The following CNTNAP2 variants were observed in gnomAD, a reference collection of about 807,000 sequenced individuals.
CNTNAP2 encodes the protein contactin associated protein 2, also known as contactin-associated protein-like 2.
A neutral mutation model predicts 155.2 loss-of-function variants in CNTNAP2; 98 were observed. That is an observed-to-expected ratio of 0.63 (90% CI 0.54 to 0.75). CNTNAP2 has a LOEUF of 0.75. Among genes scored for constraint, CNTNAP2 ranks in the 30% least tolerant of loss-of-function variants. The pLI is 0.00. For synonymous variants in CNTNAP2, 651 were observed against 631.2 expected (o/e 1.03, Z -0.47); for missense variants, 1,727 against 1,688.1 (o/e 1.02, Z -0.40).
At chr7:146,982,150 T>C (rs750652329) in intron 3 of CNTNAP2, among the ~76,000 whole-genome samples, 1 of 152,160 alleles carries the variant, frequency 6.6e-6, no homozygotes, top group Non-Finnish European at 1.5e-5. Flanking sequence ...GTTTGGCCCA[T>C]AGGCTATAAC....
At chr7:146,343,797 G>A (rs571886195) in intron 1 of CNTNAP2, among the ~76,000 whole-genome samples, 1 of 151,984 alleles carries the variant, frequency 6.6e-6, no homozygotes, top group African/African-American at 2.4e-5. Flanking sequence ...TAAAGTAAAG[G>A]CTATGTTTTA....
At chr7:147,326,329 C>T (rs915614345) in intron 9 of CNTNAP2, among the ~76,000 whole-genome samples, 26 of 152,146 alleles carry the variant, frequency 1.7e-4, no homozygotes, top group African/African-American at 3.9e-4. Flanking sequence ...TTTCACATCA[C>T]GTTTCTTTAG....
At chr7:147,780,151 T>A (rs1797642427) in intron 13 of CNTNAP2, among the ~76,000 whole-genome samples, 2 of 152,330 alleles carry the variant, frequency 1.3e-5, no homozygotes, top group African/African-American at 4.8e-5. Context: ...ATCTTACGAC[T>A]GCTCTGAATG....
At chr7:146,459,268 A>G (rs1796602569) in intron 1 of CNTNAP2, among the ~76,000 whole-genome samples, 1 of 152,148 alleles carries the variant, frequency 6.6e-6, no homozygotes, top group African/African-American at 2.4e-5. Flanking sequence ...GAGAAAATAT[A>G]TAGATGGTTA....
chr7:147,713,915 G>C (rs140446146), intron 13 of CNTNAP2, among the ~76,000 whole-genome samples: 16 of 152,088 alleles, frequency 1.1e-4, no homozygotes, highest in African/African-American at 3.9e-4. Flanking sequence ...TTATTTCATA[G>C]TACTAGCAAA....
intron 8 of CNTNAP2, among the ~76,000 whole-genome samples, chr7:147,197,980 G>T (rs930729717): frequency 1.3e-5 from 2 of 152,040 alleles, no homozygotes; most frequent in African/African-American, 4.8e-5. Flanking sequence ...TGGTAATATG[G>T]TATTGCATGC....
chr7:147,562,193 T>C lies in CNTNAP2; in HGVS notation c.1833T>C (p.Tyr611=), dbSNP rs935506760. Residue 611 remains tyrosine, a synonymous_variant, in exon 12 of 24, where the codon TAT becomes TAC. Transcript: ENST00000361727. ...AYKHLGQTSN[Y]YWIDPDGSGP... Reference sequence around the variant, plus strand: ...AACACCTAGGACAGACATCAAATTATTACTGGATAGATCCTGATGGCAGCG... The same window carrying C: ...AACACCTAGGACAGACATCAAATTACTACTGGATAGATCCTGATGGCAGCG... 2 of 1,614,068 alleles carry C rather than the reference T, an allele frequency of 1.2e-6. No homozygotes were observed. Among genetic ancestry groups the C allele is most frequent in the Non-Finnish European group, 1.7e-6 (2 of 1,179,936 alleles).
At chr7:146,790,017 G>A (rs779268405) in intron 2 of CNTNAP2, among the ~76,000 whole-genome samples, 2 of 151,812 alleles carry the variant, frequency 1.3e-5, no homozygotes, top group African/African-American at 4.8e-5. Flanking sequence ...TTCAAATAAA[G>A]GATTCAGCAT....
At chr7:146,375,440 G>T (rs975630801) in intron 1 of CNTNAP2, among the ~76,000 whole-genome samples, 3 of 152,186 alleles carry the variant, frequency 2.0e-5, no homozygotes, top group African/African-American at 7.2e-5. Flanking sequence ...TCAGAGAAGG[G>T]ATTAGTGGGT....
chr7:146,188,975 G>C (rs1193221038), intron 1 of CNTNAP2, among the ~76,000 whole-genome samples: 1 of 152,126 alleles, frequency 6.6e-6, no homozygotes, highest in African/African-American at 2.4e-5. Context: ...TTCTGTTTGT[G>C]ATAAACTAAT....
intron 14 of CNTNAP2, among the ~76,000 whole-genome samples, chr7:147,968,081 C>T (rs1012519617): frequency 5.9e-5 from 9 of 152,194 alleles, no homozygotes; most frequent in Middle Eastern, 3.4e-3. Flanking sequence ...TCATGAAACA[C>T]GTGGAGCCGG....
chr7:147,122,848 T>C (rs1584857780), intron 6 of CNTNAP2: 1 of 152,218 alleles, frequency 6.6e-6, no homozygotes, highest in African/African-American at 2.4e-5. Context: ...TGGAGATGTA[T>C]TCATATATAT....
At chr7:147,694,740 G>A (rs1224811876) in intron 13 of CNTNAP2, among the ~76,000 whole-genome samples, 1 of 151,988 alleles carries the variant, frequency 6.6e-6, no homozygotes, top group African/African-American at 2.4e-5. Context: ...AGTTATCCTG[G>A]CAAGAGGCTT....
At chr7:147,516,848 C>CTTTTTTTTT (rs1221666617) in intron 11 of CNTNAP2, among the ~76,000 whole-genome samples, 56 of 112,576 alleles carry the variant, frequency 5.0e-4, no homozygotes, top group African/African-American at 6.2e-4. Context: ...TCTTTCTTTT[C>CTTTTTTTTT]TTTTTTTTTT....
At chr7:147,104,589 G>A (rs1354790860) in intron 4 of CNTNAP2, among the ~76,000 whole-genome samples, 2 of 151,260 alleles carry the variant, frequency 1.3e-5, no homozygotes, top group African/African-American at 2.4e-5. Context: ...TGGGGAAACG[G>A]TATTAAAAGT....
At chr7:147,374,920 T>A (rs996857730) in intron 9 of CNTNAP2, among the ~76,000 whole-genome samples, 1 of 151,984 alleles carries the variant, frequency 6.6e-6, no homozygotes, top group Non-Finnish European at 1.5e-5. Context: ...CCCACCCAAA[T>A]CTCATCTCAA....
rs545928875 is a variant in CNTNAP2, at chr7:147,290,544, G to A, written c.1349-9597G>A. Among the ~76,000 whole-genome samples, 22 of 152,054 alleles carry A rather than the reference G, an allele frequency of 1.4e-4. No homozygotes were observed. In the East Asian group the frequency reaches 3.5e-3, roughly 24 times the overall value. ...AAAATTACAAAAAAATTAGCCGAGCGTGGTGGCTTGTGCCTGTAATCCCAG... is the reference window on the plus strand; with the variant it reads ...AAAATTACAAAAAAATTAGCCGAGCATGGTGGCTTGTGCCTGTAATCCCAG... On this transcript the variant is annotated intron_variant, in intron 8 of 23. Transcript: ENST00000361727.
intron 10 of CNTNAP2, among the ~76,000 whole-genome samples, chr7:147,477,751 A>G (rs6464814): frequency 0.77 from 117,376 of 152,114 alleles, 45,574 homozygotes; most frequent in African/African-American, 0.85. Context: ...TGAACAGTGA[A>G]TGGACTGTAT....
intron 9 of CNTNAP2, among the ~76,000 whole-genome samples, chr7:147,306,160 T>G (rs1249156326): frequency 6.6e-6 from 1 of 152,200 alleles, no homozygotes; most frequent in Non-Finnish European, 1.5e-5. Context: ...AGGATACAAT[T>G]TAGCACATAG....
Sources: allele counts gnomAD v4.1 joint callset (sites outside exome capture counted in the v4.1 genomes callset), GRCh38; gene constraint gnomAD v4.1.1; transcripts MANE v1.5; gene names NCBI Gene and HGNC (gene_info 2026-07-23, HGNC 2026-07-21).